The following TAF2 variants were observed in gnomAD, a reference collection of about 807,000 sequenced individuals.
TAF2 encodes transcription initiation factor TFIID subunit 2.
In TAF2, 61 loss-of-function variants were observed where a neutral mutation model predicts 138.5. The ratio of observed to expected loss-of-function variants is 0.44; its 90% confidence interval spans 0.36 to 0.54. TAF2 has a LOEUF of 0.54. TAF2 is among the 20% of genes least tolerant of loss of function. TAF2 has a pLI of 0.00. For missense variants in TAF2, 1,090 were observed against 1,427.9 expected (o/e 0.76, Z 3.81); for synonymous variants, 475 against 469.9 (o/e 1.01, Z -0.14).
At position 119,746,740 on chromosome 8, in the gene TAF2, T is replaced by C. The variant is rs778281393; in HGVS notation, c.3073A>G (p.Ser1025Gly). Residue 1025 changes from serine to glycine, a missense_variant, in exon 23 of 26, where the codon AGC (serine) becomes GGC (glycine). Coordinates refer to ENST00000378164, the MANE Select transcript of TAF2 (RefSeq NM_003184.4). Reference protein sequence around the residue: ...AGNQEAANNPSSHPQLVGFQN... With the variant: ...AGNQEAANNPGSHPQLVGFQN... The stretch of plus-strand genomic sequence containing the variant: ...AATCCAACTAGCTGTGGGTGACTGC[T>C]TGGATTATTTGCAGCTTCTTGGTTG... 43 of 1,614,168 alleles carry C rather than the reference T, an allele frequency of 2.7e-5. No individual in the cohort carries two copies. Among genetic ancestry groups the C allele is most frequent in the Middle Eastern group, 1.7e-4 (1 of 6,060 alleles).
chr8:119,791,434 T>C lies in TAF2; in HGVS notation c.1303A>G (p.Ile435Val). 3.1e-6 allele frequency: 5 copies of C among 1,613,734 alleles called. No homozygotes were observed. The highest frequency in any genetic ancestry group is 1.7e-4 in the Middle Eastern group (1 of 6,056). ...DNPASHLHFS[I>V]KHPHTLSWEY... Reference sequence around the variant, plus strand: ...CAGGACAGTGTATGTGGATGCTTTATTGAAAAGTGTAGATGGGAAGCCGGA... The same window carrying C: ...CAGGACAGTGTATGTGGATGCTTTACTGAAAAGTGTAGATGGGAAGCCGGA... The change falls in exon 11 of 26, where the codon ATA (isoleucine) becomes GTA (valine). Residue 435 changes from isoleucine to valine, a missense_variant. Around this residue, in one of 3 missense-constraint regions of TAF2, gnomAD observed 504 missense variants for 680.9 expected, o/e 0.74. Coordinates refer to ENST00000378164, the MANE Select transcript of TAF2 (RefSeq NM_003184.4).
intron 24 of TAF2, 80 bp downstream of exon 24, chr8:119,744,207 GA>G: frequency 7.9e-7 from 1 of 1,262,868 alleles, no homozygotes; most frequent in African/African-American, 1.5e-5. Flanking sequence ...TTGTTCATTT[GA>G]AAATAAAGTA....
At chr8:119,822,488 CA>C (rs1825857937) in intron 2 of TAF2, among the ~76,000 whole-genome samples, 1 of 152,116 alleles carries the variant, frequency 6.6e-6, no homozygotes, top group African/African-American at 2.4e-5. Context: ...CCTCCAAGAG[CA>C]CTGGGATTAC....
chr8:119,735,520 C>T (rs116074696), intron 25 of TAF2, among the ~76,000 whole-genome samples: 1,676 of 152,250 alleles, frequency 0.011, 31 homozygotes, highest in African/African-American at 0.038. Context: ...TTTTAGAACA[C>T]GTGAACAAAT....
At chr8:119,811,679 G>A (rs1347308259) in intron 3 of TAF2, among the ~76,000 whole-genome samples, 6 of 151,306 alleles carry the variant, frequency 4.0e-5, no homozygotes, top group Admixed American at 6.6e-5. Flanking sequence ...GGTGGTGGGC[G>A]CCTGTAATCC....
rs531553122 is a variant in TAF2 at position 119,759,826 on chromosome 8, T to C, written c.2698+773A>G. ...AACAACTTTGGCAAAGCAGAAAATCTTGGGTCATAATTTTCCCTAAAAATG... is the reference window on the plus strand; with the variant it reads ...AACAACTTTGGCAAAGCAGAAAATCCTGGGTCATAATTTTCCCTAAAAATG... On this transcript the variant is annotated intron_variant, in intron 20 of 25. Transcript: ENST00000378164. Among the ~76,000 whole-genome samples the C allele has an allele frequency of 2.6e-5, 4 of 152,268 alleles. No homozygotes were observed. In the East Asian group the frequency reaches 5.8e-4, roughly 22 times the overall value.
chr8:119,820,523 C>G (rs1825747321), intron 2 of TAF2, among the ~76,000 whole-genome samples: 1 of 152,030 alleles, frequency 6.6e-6, no homozygotes. Flanking sequence ...TACTACTGTA[C>G]AGTATTAAAA....
intron 25 of TAF2, among the ~76,000 whole-genome samples, chr8:119,740,706 A>AGAT (rs1819553497): frequency 6.7e-6 from 1 of 150,204 alleles, no homozygotes; most frequent in African/African-American, 2.4e-5. Flanking sequence ...AAGAAGAAGA[A>AGAT]GAAACTACCT....
intron 11 of TAF2, 126 bp downstream of exon 11, chr8:119,791,198 G>A: frequency 9.2e-7 from 1 of 1,090,086 alleles, no homozygotes; most frequent in South Asian, 1.5e-5. Flanking sequence ...TAAAGCACAG[G>A]TTACTTAGTG....
chr8:119,732,525 C>T (rs372890622), intron 25 of TAF2, among the ~76,000 whole-genome samples: 7 of 152,154 alleles, frequency 4.6e-5, no homozygotes, highest in East Asian at 1.9e-4. Context: ...ACACTGGGTC[C>T]GGGGGCGGTG....
intron 15 of TAF2, 129 bp downstream of exon 15, chr8:119,785,072 C>T (rs1822922622): frequency 1.4e-6 from 1 of 696,598 alleles, no homozygotes; most frequent in Non-Finnish European, 2.4e-6. Flanking sequence ...CATAGGGTTT[C>T]TATTAAATTA....
At chr8:119,825,851 A>ATTTTTTTT (rs35710501) in intron 2 of TAF2, among the ~76,000 whole-genome samples, 1 of 144,926 alleles carries the variant, frequency 6.9e-6, no homozygotes. Context: ...CGCCTGGCTA[A>ATTTTTTTT]TTTTTTTTTT....
At chr8:119,746,471 TC>T (rs1819982032) in intron 23 of TAF2, among the ~76,000 whole-genome samples, 1 of 151,434 alleles carries the variant, frequency 6.6e-6, no homozygotes, top group Non-Finnish European at 1.5e-5. Context: ...AACTAGGTTA[TC>T]ACAATACGAG....
At chr8:119,759,880 A>T (rs1393851034) in intron 20 of TAF2, among the ~76,000 whole-genome samples, 2 of 152,162 alleles carry the variant, frequency 1.3e-5, no homozygotes, top group African/African-American at 2.4e-5. Context: ...TGTCTTTTGA[A>T]TCTACATATT....
chr8:119,797,625 C>A (rs1380538530), intron 7 of TAF2, 37 bp downstream of exon 7: 1 of 1,591,660 alleles, frequency 6.3e-7, no homozygotes, highest in East Asian at 2.2e-5. Flanking sequence ...ATATCATGAT[C>A]TTAATTTAGG....
intron 3 of TAF2, among the ~76,000 whole-genome samples, chr8:119,811,919 G>T (rs76319793): frequency 6.6e-6 from 1 of 151,964 alleles, no homozygotes; most frequent in African/African-American, 2.4e-5. Context: ...AAAGCCTAGG[G>T]GTTTCACTGC....
rs754332881 is a variant in TAF2, at chr8:119,832,589, T to C, written c.-25A>G. 1 of 1,609,250 alleles carries C rather than the reference T, an allele frequency of 6.2e-7. No individual in the cohort carries two copies. The highest frequency in any genetic ancestry group is 1.7e-5 in the Admixed American group (1 of 59,976). ...TGAAGCGGTCCCGCGGAGCTTGGCTTCCCGGCTTCCTAGGGGGATACGGGG... is the reference window on the plus strand; with the variant it reads ...TGAAGCGGTCCCGCGGAGCTTGGCTCCCCGGCTTCCTAGGGGGATACGGGG... On this transcript the variant is annotated 5_prime_UTR_variant, in exon 1 of 26. Transcript: ENST00000378164.
At chr8:119,811,788 AGAGT>A (rs896324450) in intron 3 of TAF2, among the ~76,000 whole-genome samples, 3 of 143,520 alleles carry the variant, frequency 2.1e-5, no homozygotes, top group Non-Finnish European at 4.5e-5. Flanking sequence ...CTTGGGCGAA[AGAGT>A]GAGACTCCGT....
chr8:119,789,837 C>A, intron 11 of TAF2, 91 bp from the exon 12 acceptor site: 2 of 1,255,376 alleles, frequency 1.6e-6, no homozygotes, highest in South Asian at 2.6e-5. Context: ...TTATTGTAGT[C>A]AATTATAGAA....
Sources: allele counts gnomAD v4.1 joint callset (sites outside exome capture counted in the v4.1 genomes callset), GRCh38; gene constraint gnomAD v4.1.1; regional missense constraint gnomAD v4.1.1; transcripts MANE v1.5; gene names NCBI Gene and HGNC (gene_info 2026-07-23, HGNC 2026-07-21).